The following LIPC variants were observed in gnomAD, a reference collection of about 807,000 sequenced individuals.
LIPC encodes the protein hepatic triacylglycerol lipase.
In LIPC, 44 loss-of-function variants were observed where a neutral mutation model predicts 50.7. That is an observed-to-expected ratio of 0.87 (90% CI 0.68 to 1.11). The LOEUF (loss-of-function observed/expected upper bound fraction) is 1.11. LIPC is among the 50% of genes most tolerant of loss of function. LIPC has a pLI of 0.00. For missense variants in LIPC, 697 were observed against 648.2 expected, an observed-to-expected ratio of 1.08 and a Z score of -0.82; for synonymous variants, 271 against 256.4, an observed-to-expected ratio of 1.06 and a Z score of -0.54.
chr15:58,564,296 T>C (rs1894281340), intron 8 of LIPC, among the ~76,000 whole-genome samples: 1 of 151,898 alleles, frequency 6.6e-6, no homozygotes, highest in Admixed American at 6.6e-5. Flanking sequence ...AGGATGCCTG[T>C]TGTTGAATCA....
intron 4 of LIPC, 46 bp downstream of exon 4, chr15:58,542,697 G>A: frequency 1.5e-6 from 2 of 1,294,034 alleles, no homozygotes; most frequent in Non-Finnish European, 1.1e-6. Flanking sequence ...CTCCATAGGG[G>A]CATCCAACAA....
intron 2 of LIPC, among the ~76,000 whole-genome samples, chr15:58,539,194 C>T (rs1447800563): frequency 6.6e-6 from 1 of 152,174 alleles, no homozygotes; most frequent in East Asian, 1.9e-4. Context: ...GAGTCAAAAG[C>T]AAGGTTTTTA....
intron 1 of LIPC, chr15:58,435,400 C>A: frequency 6.7e-6 from 1 of 149,126 alleles, no homozygotes; most frequent in Non-Finnish European, 1.5e-5. Context: ...CAAACCACTG[C>A]GCTTGTGCAG....
At chr15:58,473,112 C>T (rs1890868579) in intron 1 of LIPC, among the ~76,000 whole-genome samples, 1 of 152,152 alleles carries the variant, frequency 6.6e-6, no homozygotes, top group Non-Finnish European at 1.5e-5. Flanking sequence ...GCTGGGACCT[C>T]ATGCCTCAAC....
At chr15:58,515,498 G>C (rs1892456076) in intron 1 of LIPC, among the ~76,000 whole-genome samples, 1 of 149,000 alleles carries the variant, frequency 6.7e-6, no homozygotes, top group African/African-American at 2.5e-5. Context: ...AGCTTCATTA[G>C]TGTGATATAA....
intron 4 of LIPC, among the ~76,000 whole-genome samples, chr15:58,545,300 G>A (rs1385804324): frequency 1.3e-5 from 2 of 151,924 alleles, no homozygotes; most frequent in Non-Finnish European, 2.9e-5. Flanking sequence ...TCACAGTGGT[G>A]CAGTCATGAT....
chr15:58,486,465 C>T (rs1891380144), intron 1 of LIPC, among the ~76,000 whole-genome samples: 1 of 152,202 alleles, frequency 6.6e-6, no homozygotes, highest in Non-Finnish European at 1.5e-5. Flanking sequence ...TTGGTTCTCT[C>T]CTCTGCTCTT....
At chr15:58,503,803 C>A (rs1308243374) in intron 1 of LIPC, among the ~76,000 whole-genome samples, 1 of 152,158 alleles carries the variant, frequency 6.6e-6, no homozygotes, top group Non-Finnish European at 1.5e-5. Flanking sequence ...GTGGCAGAAA[C>A]CAAGGAGTAG....
chr15:58,462,200 G>T (rs897438372), intron 1 of LIPC, among the ~76,000 whole-genome samples: 1 of 152,124 alleles, frequency 6.6e-6, no homozygotes, highest in Non-Finnish European at 1.5e-5. Flanking sequence ...CTATAGGATC[G>T]TGAGTGCTTT....
At chr15:58,546,946 C>T (rs1893551204) in intron 5 of LIPC, among the ~76,000 whole-genome samples, 1 of 150,476 alleles carries the variant, frequency 6.6e-6, no homozygotes, top group South Asian at 2.1e-4. Context: ...CCTCCCACCT[C>T]CCCCACTCCA....
intron 6 of LIPC, among the ~76,000 whole-genome samples, chr15:58,558,970 A>C (rs2414597): frequency 0.95 from 144,415 of 152,218 alleles, 68,712 homozygotes; most frequent in Middle Eastern, 0.99. Flanking sequence ...TACAAAATCC[A>C]AATGGGAAGA....
chr15:58,488,339 T>G (rs912060484), intron 1 of LIPC, among the ~76,000 whole-genome samples: 2 of 152,222 alleles, frequency 1.3e-5, no homozygotes, highest in Admixed American at 1.3e-4. Flanking sequence ...ACGTCCACAC[T>G]GGGGCTGACC....
At chr15:58,502,552 C>G (rs1449813937) in intron 1 of LIPC, among the ~76,000 whole-genome samples, 2 of 149,362 alleles carry the variant, frequency 1.3e-5, no homozygotes, top group East Asian at 2.0e-4. Context: ...TATCATTTAG[C>G]CTGCCTTAAC....
At chr15:58,494,181 C>G (rs1382033126) in intron 1 of LIPC, among the ~76,000 whole-genome samples, 1 of 152,234 alleles carries the variant, frequency 6.6e-6, no homozygotes, top group East Asian at 1.9e-4. Context: ...AGAGAATCCC[C>G]AGAGAGAGCA....
chr15:58,568,692 G>C (rs939796468), intron 8 of LIPC, 24 bp from the exon 9 acceptor site: 3 of 1,363,942 alleles, frequency 2.2e-6, no homozygotes, highest in Admixed American at 1.7e-5. Flanking sequence ...TTAATGCTGT[G>C]TTTGCTTCCT....
chr15:58,466,817 G>T (rs569828050), intron 1 of LIPC, among the ~76,000 whole-genome samples: 1 of 152,216 alleles, frequency 6.6e-6, no homozygotes, highest in South Asian at 2.1e-4. Flanking sequence ...CTCTTTGCAG[G>T]TCATATGAAA....
intron 1 of LIPC, among the ~76,000 whole-genome samples, chr15:58,459,706 G>T (rs1419384585): frequency 1.3e-5 from 2 of 152,256 alleles, no homozygotes; most frequent in Non-Finnish European, 2.9e-5. Context: ...TCTGCACCGT[G>T]TTCTGGTGGC....
At chr15:58,555,807 G>A (rs1321440195) in intron 6 of LIPC, among the ~76,000 whole-genome samples, 1 of 152,216 alleles carries the variant, frequency 6.6e-6, no homozygotes, top group Non-Finnish European at 1.5e-5. Flanking sequence ...TGGAGGAGGG[G>A]CTGCTGATAA....
At chr15:58,565,572 A>G in intron 8 of LIPC, 1 of 1,144,424 alleles carries the variant, frequency 8.7e-7, no homozygotes, top group Non-Finnish European at 1.1e-6. Context: ...TGTGCAGATT[A>G]GGAACCTGAG....
Sources: gnomAD v4.1 joint callset for allele counts (sites outside exome capture counted in the v4.1 genomes callset) on GRCh38, gnomAD v4.1.1 for gene constraint, MANE v1.5 for transcripts, NCBI Gene and HGNC (gene_info 2026-07-23, HGNC 2026-07-21) for gene names.